Variants in PTK2 observed in about 807,000 individuals in gnomAD.
PTK2 encodes focal adhesion kinase 1.
In PTK2, 45 loss-of-function variants were observed where a neutral mutation model predicts 150.1. The ratio of observed to expected loss-of-function variants is 0.30; its 90% CI spans 0.24 to 0.38. PTK2 has a LOEUF of 0.38. Among genes scored for constraint, PTK2 ranks in the 10% least tolerant of loss-of-function variants. The pLI, the probability that PTK2 is intolerant of heterozygous loss-of-function variation, is 1.00. For synonymous variants in PTK2, 432 were observed against 449.2 expected (o/e 0.96, Z 0.48); for missense variants, 919 against 1,307.3 (o/e 0.70, Z 4.58).
chr8:140,795,742 A>G (rs938048441), intron 12 of PTK2, among the ~76,000 whole-genome samples: 1 of 152,178 alleles, frequency 6.6e-6, no homozygotes, highest in Admixed American at 6.5e-5. Context: ...CTCAACAACT[A>G]CATGTTGAAA....
intron 1 of PTK2, among the ~76,000 whole-genome samples, chr8:140,963,665 C>T (rs574637172): frequency 5.3e-5 from 8 of 152,332 alleles, no homozygotes; most frequent in East Asian, 3.9e-4. Context: ...TCTTCAACAG[C>T]TCTCATTACT....
chr8:140,684,654 G>C (rs1417345435), intron 27 of PTK2, among the ~76,000 whole-genome samples: 1 of 152,174 alleles, frequency 6.6e-6, no homozygotes, highest in South Asian at 2.1e-4. Context: ...GCTAACCAGG[G>C]AGGTGAAAGA....
intron 26 of PTK2, among the ~76,000 whole-genome samples, chr8:140,699,508 G>T (rs2100028929): frequency 6.6e-6 from 1 of 152,166 alleles, no homozygotes; most frequent in African/African-American, 2.4e-5. Flanking sequence ...TTCAATAAGG[G>T]TTGCCTGAAA....
rs146708085 is a variant in PTK2, at chr8:140,754,562, A to G, written c.1333-2246T>C. Among the ~76,000 whole-genome samples the G allele has an allele frequency of 7.0e-4, 107 of 152,350 alleles. 2 individuals are homozygous for G. The East Asian group carries it at 0.018, about 25-fold the overall frequency. On this transcript the variant is annotated intron_variant, in intron 16 of 31. Transcript: ENST00000522684. ...TCTTTGATAAGACCTTAAAACCATCATTAATCCTGTCAACTAATCAAATAC... is the reference window on the plus strand; with the variant it reads ...TCTTTGATAAGACCTTAAAACCATCGTTAATCCTGTCAACTAATCAAATAC...
At chr8:140,873,568 C>A (rs377528336) in intron 4 of PTK2, among the ~76,000 whole-genome samples, 1 of 152,100 alleles carries the variant, frequency 6.6e-6, no homozygotes, top group Non-Finnish European at 1.5e-5. Flanking sequence ...CAGGTTCAAG[C>A]GATTCTCCTG....
chr8:140,764,504 A>C, intron 14 of PTK2: 1 of 537,322 alleles, frequency 1.9e-6, no homozygotes, highest in East Asian at 2.9e-5. Context: ...AGACTTGTTT[A>C]TCGGAGAGCA....
exon 24 of PTK2, chr8:140,706,189 T>A: frequency 6.2e-7 from 1 of 1,613,266 alleles, no homozygotes; most frequent in Admixed American, 1.7e-5. Context: ...CGGACTGGGA[T>A]AACCCGGTCT....
intron 22 of PTK2, among the ~76,000 whole-genome samples, chr8:140,726,874 A>C (rs967043240): frequency 6.6e-6 from 1 of 152,222 alleles, no homozygotes; most frequent in Admixed American, 6.5e-5. Flanking sequence ...TAAAAATCAT[A>C]AACTAATTTT....
chr8:140,941,741 T>C (rs1435958698), intron 1 of PTK2, among the ~76,000 whole-genome samples: 2 of 152,138 alleles, frequency 1.3e-5, no homozygotes, highest in Admixed American at 1.3e-4. Context: ...GTCTCACTTT[T>C]GTCACCTACG....
intron 1 of PTK2, among the ~76,000 whole-genome samples, chr8:140,995,875 T>C (rs1197317785): frequency 2.0e-5 from 3 of 151,710 alleles, no homozygotes; most frequent in Non-Finnish European, 2.9e-5. Context: ...GGAAAAGTTA[T>C]TGAAGGAAAT....
At chr8:140,988,759 A>C in intron 1 of PTK2, among the ~76,000 whole-genome samples, 1 of 147,318 alleles carries the variant, frequency 6.8e-6, no homozygotes, top group Non-Finnish European at 1.5e-5. Context: ...AAAGACACAC[A>C]CGTATACGGA....
chr8:140,833,614 C>T (rs1005901032), intron 7 of PTK2, among the ~76,000 whole-genome samples: 1 of 152,152 alleles, frequency 6.6e-6, no homozygotes, highest in African/African-American at 2.4e-5. Context: ...AGTAGTTTTG[C>T]CTCAAGTGGC....
At chr8:140,786,831 C>G (rs1025823919) in intron 14 of PTK2, among the ~76,000 whole-genome samples, 1 of 151,984 alleles carries the variant, frequency 6.6e-6, no homozygotes, top group Non-Finnish European at 1.5e-5. Context: ...TGAAGTATCA[C>G]TAACTCTGAA....
At chr8:140,759,769 G>C (rs1373749018) in intron 16 of PTK2, among the ~76,000 whole-genome samples, 1 of 151,910 alleles carries the variant, frequency 6.6e-6, no homozygotes, top group Non-Finnish European at 1.5e-5. Context: ...CTTGAGTTCA[G>C]AAAGTCGAGG....
intron 1 of PTK2, among the ~76,000 whole-genome samples, chr8:141,000,028 A>G (rs1054283762): frequency 6.6e-6 from 1 of 150,978 alleles, no homozygotes; most frequent in Non-Finnish European, 1.5e-5. Flanking sequence ...AAAAAAAAAA[A>G]AAGAAACTTT....
At chr8:140,833,107 A>C (rs767498388) in intron 7 of PTK2, 43 of 516,624 alleles carry the variant, frequency 8.3e-5, no homozygotes, top group Non-Finnish European at 1.5e-4. Flanking sequence ...GAAAGGAAGC[A>C]TATGTTTTTT....
In PTK2 at chr8:140,660,804, G is replaced by A. The variant is rs371782619; in HGVS notation, c.2947-1126C>T. ...ATGAACACAAAATGCTGTCCTACAG[G>A]GTTCGAATGCTTTGCATGGGAGAGT... On this transcript the variant is annotated intron_variant, in intron 31 of 31. Transcript: ENST00000522684. Among the ~76,000 whole-genome samples, 30 of 152,284 alleles carry A rather than the reference G, an allele frequency of 2.0e-4. 1 individual carries two copies. The highest frequency in any genetic ancestry group is 6.5e-4 in the African/African-American group (27 of 41,560).
intron 17 of PTK2, among the ~76,000 whole-genome samples, chr8:140,749,679 A>AT (rs1473986948): frequency 1.3e-5 from 2 of 152,222 alleles, no homozygotes; most frequent in Non-Finnish European, 2.9e-5. Flanking sequence ...AGAACCTAAA[A>AT]TATGTACTAT....
chr8:140,839,301 G>A (rs555813473), intron 7 of PTK2, among the ~76,000 whole-genome samples: 6 of 152,264 alleles, frequency 3.9e-5, no homozygotes, highest in South Asian at 2.1e-4. Flanking sequence ...GCCAGAAGCC[G>A]CAGCAGTGTA....
Sources: gnomAD v4.1 joint callset for allele counts (sites outside exome capture counted in the v4.1 genomes callset) on GRCh38, gnomAD v4.1.1 for gene constraint, MANE v1.5 for transcripts, NCBI Gene and HGNC (gene_info 2026-07-23, HGNC 2026-07-21) for gene names.